Variants in DAB1 observed in about 807,000 individuals in gnomAD.
The protein encoded by DAB1 is DAB adaptor protein 1, also known as disabled homolog 1.
In DAB1, 15 loss-of-function variants were observed where a neutral mutation model predicts 64.6. The ratio of observed to expected loss-of-function variants is 0.23; its 90% confidence interval spans 0.16 to 0.36. The LOEUF (loss-of-function observed/expected upper bound fraction) is 0.36. DAB1 is among the 10% of genes least tolerant of loss of function. The pLI, the probability that DAB1 is intolerant of heterozygous loss-of-function variation, is 1.00. For missense variants in DAB1, 596 were observed against 706.7 expected, an observed-to-expected ratio of 0.84 and a Z score of 1.78; for synonymous variants, 235 against 251.9, an observed-to-expected ratio of 0.93 and a Z score of 0.64.
chr1:57,342,907 A>G (rs184978726), intron 1 of DAB1, among the ~76,000 whole-genome samples: 130 of 152,312 alleles, frequency 8.5e-4, no homozygotes, highest in African/African-American at 2.8e-3. Flanking sequence ...TCATAAAGGC[A>G]GTGTGGACCC....
intron 7 of DAB1, among the ~76,000 whole-genome samples, chr1:57,628,784 G>T (rs1645953435): frequency 6.6e-6 from 1 of 152,028 alleles, no homozygotes; most frequent in South Asian, 2.1e-4. Context: ...ATTTCATCTG[G>T]CACTTTCATC....
intron 7 of DAB1, among the ~76,000 whole-genome samples, chr1:57,461,942 T>C (rs1463124433): frequency 1.5e-5 from 2 of 137,242 alleles, no homozygotes; most frequent in African/African-American, 5.5e-5. Flanking sequence ...TAAGATATAC[T>C]CTTTTTTTTT....
At chr1:57,228,907 A>T (rs1451333214) in intron 2 of DAB1, among the ~76,000 whole-genome samples, 1 of 152,232 alleles carries the variant, frequency 6.6e-6, no homozygotes, top group South Asian at 2.1e-4. Context: ...AACTACTTAC[A>T]TCAACATGAA....
At chr1:57,343,018 GCCTGCTT>G (rs768032891) in intron 1 of DAB1, among the ~76,000 whole-genome samples, 2 of 38,056 alleles carry the variant, frequency 5.3e-5, no homozygotes, top group Admixed American at 4.5e-4. Flanking sequence ...GGCTCGGGCA[GCCTGCTT>G]TTATTGTCTT....
chr1:57,698,858 T>C (rs1275884050), intron 6 of DAB1, among the ~76,000 whole-genome samples: 2 of 152,254 alleles, frequency 1.3e-5, no homozygotes, highest in Non-Finnish European at 2.9e-5. Flanking sequence ...TAATTTATGA[T>C]CTGCATTAGA....
intron 4 of DAB1, among the ~76,000 whole-genome samples, chr1:58,217,648 T>C (rs1270069898): frequency 6.6e-6 from 1 of 152,206 alleles, no homozygotes; most frequent in Non-Finnish European, 1.5e-5. Flanking sequence ...CACTGGGATA[T>C]TAGGAGTATT....
intron 3 of DAB1, among the ~76,000 whole-genome samples, chr1:58,464,275 T>C (rs1035766289): frequency 3.9e-5 from 6 of 152,196 alleles, no homozygotes; most frequent in African/African-American, 1.4e-4. Context: ...CTGAGGTCTG[T>C]ATTTGTACAG....
upstream of DAB1, among the ~76,000 whole-genome samples, chr1:57,426,455 A>T (rs1217799033): frequency 1.3e-5 from 2 of 152,192 alleles, no homozygotes; most frequent in Non-Finnish European, 2.9e-5. Context: ...GTTGTACTAA[A>T]CATGTCATGA....
chr1:57,627,880 C>T (rs368211043), intron 7 of DAB1, among the ~76,000 whole-genome samples: 3 of 152,086 alleles, frequency 2.0e-5, no homozygotes, highest in South Asian at 2.1e-4. Context: ...AGTCTCAGTG[C>T]CTAGTCCTTC....
At chr1:58,263,763 T>C (rs1385661463) in intron 4 of DAB1, among the ~76,000 whole-genome samples, 1 of 152,226 alleles carries the variant, frequency 6.6e-6, no homozygotes, top group African/African-American at 2.4e-5. Flanking sequence ...TGTAAAATGG[T>C]GGTAACAATA....
At chr1:57,811,535 C>G (rs748067003) in intron 6 of DAB1, among the ~76,000 whole-genome samples, 3 of 152,186 alleles carry the variant, frequency 2.0e-5, no homozygotes, top group Admixed American at 6.5e-5. Context: ...TCTGTAGAAC[C>G]ATGAACCAAT....
chr1:57,887,592 G>C (rs1644243412), upstream of DAB1, among the ~76,000 whole-genome samples: 1 of 152,152 alleles, frequency 6.6e-6, no homozygotes, highest in Non-Finnish European at 1.5e-5. Context: ...CACCACACTG[G>C]CAAGCTATTG....
chr1:57,331,341 A>T (rs1354077973), intron 1 of DAB1, among the ~76,000 whole-genome samples: 1 of 152,210 alleles, frequency 6.6e-6, no homozygotes, highest in African/African-American at 2.4e-5. Flanking sequence ...TACTCTTATT[A>T]TTCCTATGTT....
At chr1:57,597,314 A>G (rs1645522833) in intron 7 of DAB1, among the ~76,000 whole-genome samples, 1 of 152,222 alleles carries the variant, frequency 6.6e-6, no homozygotes, top group Non-Finnish European at 1.5e-5. Flanking sequence ...TTGCAGAAAA[A>G]TGGGAGAGCA....
chr1:57,247,872 G>C (rs542468071), intron 2 of DAB1, among the ~76,000 whole-genome samples: 27 of 152,228 alleles, frequency 1.8e-4, no homozygotes, highest in Non-Finnish European at 3.7e-4. Flanking sequence ...GCTACTTGTA[G>C]AAAATGGCAG....
At chr1:57,363,517 T>C (rs1462013987) in intron 1 of DAB1, among the ~76,000 whole-genome samples, 3 of 152,168 alleles carry the variant, frequency 2.0e-5, no homozygotes, top group Non-Finnish European at 4.4e-5. Context: ...ATTTCCTCAT[T>C]GTAAAATGGT....
chr1:58,260,778 GCAT>G (rs1351966075), intron 4 of DAB1, among the ~76,000 whole-genome samples: 45 of 152,034 alleles, frequency 3.0e-4, no homozygotes, highest in African/African-American at 1.1e-3. Flanking sequence ...ATTAGCTCAG[GCAT>G]CATCTTCTTT....
intron 7 of DAB1, among the ~76,000 whole-genome samples, chr1:57,507,693 G>A (rs1644359789): frequency 1.3e-5 from 2 of 152,114 alleles, no homozygotes; most frequent in South Asian, 4.1e-4. Context: ...CTTTCTCCTA[G>A]GAAGCCTCCA....
chr1:58,387,300 T>C (rs1027435434), intron 3 of DAB1, among the ~76,000 whole-genome samples: 2 of 152,134 alleles, frequency 1.3e-5, no homozygotes, highest in African/African-American at 4.8e-5. Flanking sequence ...AGAAAAAGCA[T>C]ACAAAATGAA....
Sources: allele counts gnomAD v4.1 joint callset (sites outside exome capture counted in the v4.1 genomes callset), GRCh38; gene constraint gnomAD v4.1.1; transcripts MANE v1.5; gene names NCBI Gene and HGNC (gene_info 2026-07-23, HGNC 2026-07-21).